Variants in CHSY3 observed in about 807,000 individuals in gnomAD.
The protein encoded by CHSY3 is N-acetylgalactosaminyl-proteoglycan 3-beta-glucuronosyltransferase 3.
A neutral mutation model predicts 67.2 loss-of-function variants in CHSY3; 35 were observed. The ratio of observed to expected loss-of-function variants is 0.52; its 90% CI spans 0.40 to 0.69. CHSY3 has a LOEUF of 0.69. Among genes scored for constraint, CHSY3 ranks in the 30% least tolerant of loss-of-function variants. CHSY3 has a pLI of 0.00. For synonymous variants in CHSY3, 474 were observed against 434.7 expected (o/e 1.09, Z -1.12); for missense variants, 1,069 against 1,138.5 (o/e 0.94, Z 0.88).
chr5:130,137,494 A>G (rs1269608985), intron 2 of CHSY3, among the ~76,000 whole-genome samples: 1 of 152,204 alleles, frequency 6.6e-6, no homozygotes, highest in Admixed American at 6.5e-5. Context: ...AAAAGCTTAA[A>G]TGACACTGGG....
At chr5:130,088,101 AAAAC>A (rs1267623029) in intron 2 of CHSY3, among the ~76,000 whole-genome samples, 1 of 152,156 alleles carries the variant, frequency 6.6e-6, no homozygotes, top group Non-Finnish European at 1.5e-5. Context: ...AAACCTGAGA[AAAAC>A]AAGCAATGGG....
intron 2 of CHSY3, among the ~76,000 whole-genome samples, chr5:130,107,120 T>C (rs1358008130): frequency 6.6e-6 from 1 of 151,318 alleles, no homozygotes; most frequent in East Asian, 1.9e-4. Flanking sequence ...ATAACATTGA[T>C]AATAATTGCT....
chr5:130,138,741 C>T (rs547651127), intron 2 of CHSY3, among the ~76,000 whole-genome samples: 140 of 152,206 alleles, frequency 9.2e-4, no homozygotes, highest in African/African-American at 3.3e-3. Context: ...CAAAAGATTG[C>T]TAAAGTGGTG....
At chr5:130,056,653 A>G (rs1765539782) in intron 2 of CHSY3, among the ~76,000 whole-genome samples, 1 of 152,154 alleles carries the variant, frequency 6.6e-6, no homozygotes. Flanking sequence ...TGTCATTTTT[A>G]TTTATAGCAT....
rs537356918 is a variant in CHSY3, at chr5:130,163,040, C to G, written c.1087-21189C>G. Among the ~76,000 whole-genome samples, 112 of 152,256 alleles carry G rather than the reference C, an allele frequency of 7.4e-4. 1 individual carries two copies. The South Asian group carries it at 0.019, about 26-fold the overall frequency. ...GATGTGAATGATTTAATTCACTCAT[C>G]ATGCACTTCGTGATGCCCAGCCCTA... On this transcript the variant is annotated intron_variant, in intron 2 of 2. Transcript: ENST00000305031.
At chr5:129,954,574 G>A (rs139451939) in intron 2 of CHSY3, among the ~76,000 whole-genome samples, 383 of 151,940 alleles carry the variant, frequency 2.5e-3, no homozygotes, top group Non-Finnish European at 3.2e-3. Flanking sequence ...ACTTTGGTCC[G>A]TATGGCCATT....
At chr5:129,911,478 G>A (rs973655888) in intron 2 of CHSY3, among the ~76,000 whole-genome samples, 2 of 152,062 alleles carry the variant, frequency 1.3e-5, no homozygotes, top group Non-Finnish European at 2.9e-5. Context: ...GGAAAGATTA[G>A]GTGAAATAAT....
At chr5:130,006,334 C>T (rs555072788) in intron 2 of CHSY3, among the ~76,000 whole-genome samples, 38 of 152,140 alleles carry the variant, frequency 2.5e-4, no homozygotes, top group African/African-American at 9.2e-4. Flanking sequence ...TAGTGTGGCA[C>T]TAGGAGATGA....
At chr5:130,041,636 G>A (rs1010950990) in intron 2 of CHSY3, among the ~76,000 whole-genome samples, 1 of 152,034 alleles carries the variant, frequency 6.6e-6, no homozygotes, top group Non-Finnish European at 1.5e-5. Context: ...GAGAAAGAGA[G>A]AAATAAGCAA....
intron 2 of CHSY3, among the ~76,000 whole-genome samples, chr5:129,915,048 A>T (rs1430068614): frequency 6.6e-6 from 1 of 152,224 alleles, no homozygotes; most frequent in African/African-American, 2.4e-5. Flanking sequence ...TGTTTTGGGA[A>T]ACATTTATTT....
intron 2 of CHSY3, among the ~76,000 whole-genome samples, chr5:130,082,566 A>C (rs1335942915): frequency 6.6e-6 from 1 of 152,050 alleles, no homozygotes; most frequent in East Asian, 1.9e-4. Flanking sequence ...AATAAATATC[A>C]TTAATGCTAA....
intron 2 of CHSY3, among the ~76,000 whole-genome samples, chr5:130,041,855 G>A (rs1765014670): frequency 6.6e-6 from 1 of 152,110 alleles, no homozygotes; most frequent in Non-Finnish European, 1.5e-5. Flanking sequence ...TTTTAGTGAT[G>A]TCTATGTCTT....
intron 2 of CHSY3, among the ~76,000 whole-genome samples, chr5:129,912,233 A>G (rs966734545): frequency 1.3e-5 from 2 of 152,222 alleles, no homozygotes; most frequent in Non-Finnish European, 2.9e-5. Context: ...TAATATACAT[A>G]TATAAAGAAT....
chr5:129,990,900 G>T (rs2149630069), intron 2 of CHSY3, among the ~76,000 whole-genome samples: 1 of 152,146 alleles, frequency 6.6e-6, no homozygotes, highest in Non-Finnish European at 1.5e-5. Flanking sequence ...ACACCCAGGG[G>T]GTTGTGAATC....
rs182369326 is a variant in CHSY3 at position 130,135,746 on chromosome 5, C to T, written c.1087-48483C>T. Among the ~76,000 whole-genome samples, 43 of 152,200 alleles carry T rather than the reference C, an allele frequency of 2.8e-4. No individual in the cohort carries two copies. In the East Asian group the frequency reaches 8.1e-3, roughly 29 times the overall value. ...TATCTCTGGAAATAACTCCGTGTGT[C>T]TCAGTGGGGACCATGTCTTGATTAT... On this transcript the variant is annotated intron_variant, in intron 2 of 2. Coordinates refer to ENST00000305031, the MANE Select transcript of CHSY3 (RefSeq NM_175856.5).
At chr5:130,179,272 T>C (rs1770174264) in intron 2 of CHSY3, among the ~76,000 whole-genome samples, 1 of 152,198 alleles carries the variant, frequency 6.6e-6, no homozygotes, top group African/African-American at 2.4e-5. Context: ...ATAGATACTA[T>C]ACTCCTTTTA....
chr5:130,155,291 A>G (rs1769346494), intron 2 of CHSY3, among the ~76,000 whole-genome samples: 1 of 152,202 alleles, frequency 6.6e-6, no homozygotes, highest in African/African-American at 2.4e-5. Flanking sequence ...TGTGCACATA[A>G]AAGAAGGCCC....
At chr5:129,926,974 T>C (rs1478984300) in intron 2 of CHSY3, among the ~76,000 whole-genome samples, 1 of 151,986 alleles carries the variant, frequency 6.6e-6, no homozygotes. Flanking sequence ...ATACCACAAA[T>C]TGGTTTTGTT....
intron 2 of CHSY3, among the ~76,000 whole-genome samples, chr5:129,932,782 A>G (rs2149589738): frequency 6.6e-6 from 1 of 152,160 alleles, no homozygotes; most frequent in East Asian, 1.9e-4. Context: ...GCATATTGAG[A>G]ATTTCTAAGG....
Sources: allele counts gnomAD v4.1 joint callset (sites outside exome capture counted in the v4.1 genomes callset), GRCh38; gene constraint gnomAD v4.1.1; transcripts MANE v1.5; gene names NCBI Gene and HGNC (gene_info 2026-07-23, HGNC 2026-07-21).